The following NRCAM variants were observed in gnomAD, a reference collection of about 807,000 sequenced individuals.
NRCAM encodes neuronal cell adhesion molecule, also known as NgCAM-related cell adhesion molecule.
NRCAM carries 83 observed loss-of-function variants against 156.5 expected under a neutral mutation model. That is an observed-to-expected ratio of 0.53 (90% CI 0.44 to 0.64). The LOEUF is 0.64. Ranked by LOEUF, NRCAM falls within the 30% of genes least tolerant of loss-of-function variation. NRCAM has a pLI of 0.00. For synonymous variants in NRCAM, 538 were observed against 563.9 expected, an observed-to-expected ratio of 0.95 and a Z score of 0.65; for missense variants, 1,417 against 1,597.3, an observed-to-expected ratio of 0.89 and a Z score of 1.92.
chr7:108,261,382 T>C (rs1023948392), intron 3 of NRCAM, among the ~76,000 whole-genome samples: 11 of 152,334 alleles, frequency 7.2e-5, no homozygotes, highest in African/African-American at 2.6e-4. Context: ...GTAGATAGTA[T>C]AGCTCTCTTT....
At chr7:108,223,032 G>C (rs1002630144) in intron 11 of NRCAM, among the ~76,000 whole-genome samples, 1 of 152,142 alleles carries the variant, frequency 6.6e-6, no homozygotes, top group African/African-American at 2.4e-5. Flanking sequence ...CTTGTGACCT[G>C]CCAATAGGAA....
chr7:108,189,877 G>A, intron 19 of NRCAM, 131 bp from the exon 20 acceptor site: 1 of 550,662 alleles, frequency 1.8e-6, no homozygotes, highest in East Asian at 3.2e-5. Flanking sequence ...GCATGCAACT[G>A]AAAGGAAATG....
intron 32 of NRCAM, chr7:108,150,649 A>G (rs2040859695): frequency 2.0e-6 from 1 of 508,626 alleles, no homozygotes; most frequent in Non-Finnish European, 3.9e-6. Context: ...TGCATTTCAA[A>G]TAATTTTGTT....
At chr7:108,312,944 G>A (rs891701005) in intron 2 of NRCAM, among the ~76,000 whole-genome samples, 9 of 152,178 alleles carry the variant, frequency 5.9e-5, no homozygotes, top group African/African-American at 2.2e-4. Flanking sequence ...CAGAACTCTG[G>A]TGGACATCCC....
At position 108,390,835 on chromosome 7, in the gene NRCAM, G is replaced by GT. The variant is rs1269434131; in HGVS notation, c.-174+8600dup. 7.2e-5 allele frequency among the ~76,000 whole-genome samples: 11 copies of GT among 152,268 alleles called. No individual in the cohort carries two copies. In the South Asian group the frequency reaches 2.3e-3, roughly 32 times the overall value. On this transcript the variant is annotated intron_variant, in intron 2 of 32. Transcript: ENST00000379028. ...CTGTCTTCATTTCATTATGTACCCA[G>GT]TAGTCATTCAGGAGCAGGTTGTTCA...
At chr7:108,176,124 T>C (rs1340428924) in intron 27 of NRCAM, among the ~76,000 whole-genome samples, 3 of 152,110 alleles carry the variant, frequency 2.0e-5, no homozygotes, top group Non-Finnish European at 4.4e-5. Flanking sequence ...ATATATAATA[T>C]ATAAAGTTGT....
chr7:108,147,863 C>T lies in NRCAM; in HGVS notation c.*2047G>A, dbSNP rs1485330445. The T allele has an allele frequency of 6.6e-6, 1 of 152,634 alleles. No homozygotes were observed. The highest frequency in any genetic ancestry group is 1.9e-4 in the East Asian group (1 of 5,202). The allele number at this position is 152,634 out of a possible 1,614,324, so 9.5% of individuals were successfully genotyped here. On this transcript the variant is annotated 3_prime_UTR_variant, in exon 33 of 33. Transcript: ENST00000379028. ...TTTCATGCACAGATAAATTTCGCAT[C>T]TACCAGTATGGAAGAGGAAAAAATG...
intron 2 of NRCAM, among the ~76,000 whole-genome samples, chr7:108,347,076 C>T (rs1374523500): frequency 7.6e-5 from 8 of 105,886 alleles, no homozygotes; most frequent in African/African-American, 2.6e-4. Flanking sequence ...GTTGCTCTGT[C>T]GCCCAGGCTG....
intron 28 of NRCAM, among the ~76,000 whole-genome samples, chr7:108,169,856 G>C (rs1354234778): frequency 6.6e-6 from 1 of 152,166 alleles, no homozygotes; most frequent in Admixed American, 6.5e-5. Context: ...TAATCTTGGA[G>C]TAATATGGAA....
At chr7:108,297,212 G>T (rs920630787) in intron 3 of NRCAM, among the ~76,000 whole-genome samples, 2 of 152,168 alleles carry the variant, frequency 1.3e-5, no homozygotes, top group African/African-American at 4.8e-5. Flanking sequence ...AACAGTTTCT[G>T]TTCTTTTTGA....
At chr7:108,395,035 A>G (rs1315855757) in intron 2 of NRCAM, among the ~76,000 whole-genome samples, 1 of 152,238 alleles carries the variant, frequency 6.6e-6, no homozygotes, top group Non-Finnish European at 1.5e-5. Flanking sequence ...TTAAAAAGCT[A>G]GAAAGTCAAC....
intron 1 of NRCAM, among the ~76,000 whole-genome samples, chr7:108,404,875 G>A (rs982071989): frequency 6.6e-6 from 1 of 152,088 alleles, no homozygotes; most frequent in African/African-American, 2.4e-5. Context: ...AGCAAGTTTT[G>A]GAACGTTTTC....
chr7:108,343,705 C>T (rs1594366200), intron 2 of NRCAM, among the ~76,000 whole-genome samples: 1 of 152,180 alleles, frequency 6.6e-6, no homozygotes, highest in Admixed American at 6.5e-5. Flanking sequence ...AACCCTTCAT[C>T]AAACCTTTCA....
At chr7:108,370,677 C>G (rs553536434) in intron 2 of NRCAM, among the ~76,000 whole-genome samples, 39 of 152,006 alleles carry the variant, frequency 2.6e-4, no homozygotes, top group Admixed American at 4.6e-4. Context: ...TCCAAAGTAG[C>G]AGTAAAAGTA....
chr7:108,192,842 ATCTC>A (rs1032319375), intron 17 of NRCAM, among the ~76,000 whole-genome samples: 3 of 152,250 alleles, frequency 2.0e-5, no homozygotes, highest in African/African-American at 4.8e-5. Context: ...TAGATGAACA[ATCTC>A]TCTAAGACTT....
chr7:108,413,971 C>T (rs973483462), intron 1 of NRCAM, among the ~76,000 whole-genome samples: 3 of 152,160 alleles, frequency 2.0e-5, no homozygotes, highest in Non-Finnish European at 4.4e-5. Context: ...AGGAGCTACA[C>T]CCCTGCACCC....
At chr7:108,249,579 C>T (rs1376224358) in intron 3 of NRCAM, among the ~76,000 whole-genome samples, 1 of 152,196 alleles carries the variant, frequency 6.6e-6, no homozygotes. Flanking sequence ...CTCCAAAGAG[C>T]ATCCCTCTCC....
chr7:108,235,456 A>G (rs959523323), intron 5 of NRCAM, among the ~76,000 whole-genome samples: 2 of 152,156 alleles, frequency 1.3e-5, no homozygotes, highest in African/African-American at 2.4e-5. Flanking sequence ...TTCTTGTGAG[A>G]TCAGAATTAG....
In NRCAM at chr7:108,244,300, C is replaced by T. The variant is rs77797669; in HGVS notation, c.-106-4130G>A. On this transcript the variant is annotated intron_variant, in intron 3 of 32. Coordinates refer to ENST00000379028, the MANE Select transcript of NRCAM (RefSeq NM_001037132.4). ...ACAAATATGCTGATGTGACTAGATG[C>T]CCTTTGACACACTAACTATTGCTCT... is the stretch of plus-strand genomic sequence containing the variant. Among the ~76,000 whole-genome samples, 351 of 152,170 alleles carry T rather than the reference C, an allele frequency of 2.3e-3. 1 individual carries two copies. Among genetic ancestry groups the T allele is most frequent in the Middle Eastern group, 3.4e-3 (1 of 294 alleles).
Sources: gnomAD v4.1 joint callset for allele counts (sites outside exome capture counted in the v4.1 genomes callset) on GRCh38, gnomAD v4.1.1 for gene constraint, MANE v1.5 for transcripts, NCBI Gene and HGNC (gene_info 2026-07-23, HGNC 2026-07-21) for gene names.